The following EXOC4 variants were observed in gnomAD, a reference collection of about 807,000 sequenced individuals.
The protein encoded by EXOC4 is SEC8-like 1.
Under a neutral mutation model 107.2 loss-of-function variants are expected in EXOC4, and 71 were observed. That is an observed-to-expected ratio of 0.66 (90% CI 0.55 to 0.81). EXOC4 has a LOEUF of 0.81. Ranked by LOEUF, EXOC4 falls within the 30% of genes least tolerant of loss-of-function variation. The probability of loss-of-function intolerance (pLI) is 0.00; values close to 1 mark genes in which losing one functional copy is unlikely to be tolerated. For synonymous variants in EXOC4, 456 were observed against 441.2 expected, an observed-to-expected ratio of 1.03 and a Z score of -0.42; for missense variants, 1,108 against 1,189.6, an observed-to-expected ratio of 0.93 and a Z score of 1.01.
At chr7:133,423,863 C>T (rs1171252993) in intron 7 of EXOC4, among the ~76,000 whole-genome samples, 1 of 152,208 alleles carries the variant, frequency 6.6e-6, no homozygotes, top group East Asian at 1.9e-4. Context: ...GCCTGCTGGA[C>T]TTGATAGGGG....
chr7:133,813,268 G>A (rs533784064), intron 10 of EXOC4, among the ~76,000 whole-genome samples: 1 of 151,958 alleles, frequency 6.6e-6, no homozygotes, highest in Non-Finnish European at 1.5e-5. Context: ...AGAAAATGAG[G>A]CTAATTTAGA....
chr7:134,008,058 C>G (rs1794683453), intron 17 of EXOC4: 1 of 453,844 alleles, frequency 2.2e-6, no homozygotes. Context: ...AACCCAAGTT[C>G]TTCTTAACTA....
chr7:133,652,105 A>G (rs1201754750), intron 10 of EXOC4, among the ~76,000 whole-genome samples: 2 of 152,232 alleles, frequency 1.3e-5, no homozygotes, highest in African/African-American at 4.8e-5. Flanking sequence ...GATGGTTTAT[A>G]ACTGCCTTTC....
At position 133,964,540 on chromosome 7, in the gene EXOC4, C is replaced by T. The variant is rs557205344; in HGVS notation, c.2206+26471C>T. Among the ~76,000 whole-genome samples the T allele has an allele frequency of 7.2e-5, 11 of 152,220 alleles. No homozygotes were observed. The East Asian group carries it at 1.7e-3, about 24-fold the overall frequency. ...TCCCCTCCCTGTGTCCATGTGTTCT[C>T]ATTGTTCAACTCCCGCTTATGAGTG... On this transcript the variant is annotated intron_variant, in intron 14 of 17. Transcript: ENST00000253861.
chr7:133,953,888 C>T (rs1042874602), intron 14 of EXOC4, among the ~76,000 whole-genome samples: 1 of 152,088 alleles, frequency 6.6e-6, no homozygotes, highest in Non-Finnish European at 1.5e-5. Context: ...AGAAACATTG[C>T]AAGTTTTACT....
chr7:134,066,336 G>A (rs1182695772), downstream of EXOC4: 1 of 152,140 alleles, frequency 6.6e-6, no homozygotes, highest in Non-Finnish European at 1.5e-5. Context: ...AATTTTCTTG[G>A]AAGTAGTGGA....
chr7:133,600,527 A>G (rs1801781745), intron 9 of EXOC4, among the ~76,000 whole-genome samples: 1 of 152,206 alleles, frequency 6.6e-6, no homozygotes, highest in African/African-American at 2.4e-5. Context: ...TATTACTTGC[A>G]CTAATGGAGA....
At chr7:133,716,899 C>T (rs2151102099) in intron 10 of EXOC4, among the ~76,000 whole-genome samples, 1 of 152,150 alleles carries the variant, frequency 6.6e-6, no homozygotes, top group African/African-American at 2.4e-5. Flanking sequence ...CAGATCACAC[C>T]CCTGCACTCC....
intron 12 of EXOC4, among the ~76,000 whole-genome samples, chr7:133,910,353 A>T (rs971867866): frequency 6.6e-6 from 1 of 152,136 alleles, no homozygotes; most frequent in Non-Finnish European, 1.5e-5. Context: ...TTGTTACTAA[A>T]TTATCCCCAA....
chr7:133,646,619 A>G (rs1562889990), intron 10 of EXOC4, among the ~76,000 whole-genome samples: 1 of 152,162 alleles, frequency 6.6e-6, no homozygotes, highest in Non-Finnish European at 1.5e-5. Context: ...GATGAAATAT[A>G]TGTATGTGTG....
chr7:133,620,201 A>G lies in EXOC4; in HGVS notation c.1418-9844A>G, dbSNP rs575151493. 5.3e-5 allele frequency among the ~76,000 whole-genome samples: 8 copies of G among 151,344 alleles called. No homozygotes were observed. The South Asian group carries it at 1.7e-3, about 32-fold the overall frequency. ...CCACACCTGGCTAGTTTTTTTTTGTATTTTTAATAGAGACCAGGTTTCACC... is the reference window on the plus strand; with the variant it reads ...CCACACCTGGCTAGTTTTTTTTTGTGTTTTTAATAGAGACCAGGTTTCACC... On this transcript the variant is annotated intron_variant, in intron 9 of 17. Coordinates refer to ENST00000253861, the MANE Select transcript of EXOC4 (RefSeq NM_021807.4).
At chr7:133,274,235 C>T (rs1355367138) in intron 1 of EXOC4, among the ~76,000 whole-genome samples, 2 of 152,194 alleles carry the variant, frequency 1.3e-5, no homozygotes, top group African/African-American at 2.4e-5. Flanking sequence ...ATTAATATGA[C>T]CTTATTTCCA....
chr7:133,365,875 TA>T (rs1479535921), intron 6 of EXOC4, among the ~76,000 whole-genome samples: 1 of 152,216 alleles, frequency 6.6e-6, no homozygotes, highest in Admixed American at 6.5e-5. Context: ...ATAAAGTTTT[TA>T]TATAAAGTCT....
intron 11 of EXOC4, among the ~76,000 whole-genome samples, chr7:133,880,793 T>G (rs376834602): frequency 1.3e-5 from 2 of 152,206 alleles, no homozygotes; most frequent in South Asian, 4.1e-4. Context: ...AACGATAATT[T>G]ATTTCTACCC....
the EXOC4 span, among the ~76,000 whole-genome samples, chr7:134,092,922 C>CAAAAAAAAAAAAA: frequency 6.2e-5 from 5 of 80,456 alleles, no homozygotes; most frequent in Middle Eastern, 8.9e-3. Flanking sequence ...GACTCCATCT[C>CAAAAAAAAAAAAA]AAAAAAAAAA....
At chr7:133,490,659 G>A (rs1235977073) in intron 9 of EXOC4, among the ~76,000 whole-genome samples, 1 of 152,126 alleles carries the variant, frequency 6.6e-6, no homozygotes, top group Non-Finnish European at 1.5e-5. Flanking sequence ...ACTTTCAGGA[G>A]TCAGATGAAA....
chr7:133,855,743 TTATA>T, intron 11 of EXOC4, among the ~76,000 whole-genome samples: 1 of 152,328 alleles, frequency 6.6e-6, no homozygotes, highest in East Asian at 1.9e-4. Flanking sequence ...GCAGTTAATC[TTATA>T]TACCCCTTCC....
intron 7 of EXOC4, among the ~76,000 whole-genome samples, chr7:133,389,181 G>A (rs1313110999): frequency 2.0e-5 from 3 of 152,096 alleles, no homozygotes; most frequent in Admixed American, 6.6e-5. Flanking sequence ...GGAAGGAAAG[G>A]CTACAGTAAG....
intron 5 of EXOC4, among the ~76,000 whole-genome samples, chr7:133,335,986 A>G (rs372685655): frequency 1.3e-5 from 2 of 152,148 alleles, no homozygotes; most frequent in African/African-American, 4.8e-5. Context: ...TTTTTAGGTC[A>G]TCTTTGGAGA....
Sources: gnomAD v4.1 joint callset for allele counts (sites outside exome capture counted in the v4.1 genomes callset) on GRCh38, gnomAD v4.1.1 for gene constraint, MANE v1.5 for transcripts, NCBI Gene and HGNC (gene_info 2026-07-23, HGNC 2026-07-21) for gene names.